The following MCM9 variants were observed in gnomAD, a reference collection of about 807,000 sequenced individuals.
MCM9 encodes the protein minichromosome maintenance 9 homologous recombination repair factor.
A neutral mutation model predicts 72.8 loss-of-function variants in MCM9; 55 were observed. The ratio of observed to expected loss-of-function variants is 0.76; its 90% CI spans 0.61 to 0.95. The LOEUF is 0.95. Ranked by LOEUF, MCM9 falls within the 40% of genes least tolerant of loss-of-function variation. The pLI is 0.00. For missense variants in MCM9, 1,279 were observed against 1,377.0 expected (o/e 0.93, Z 1.13); for synonymous variants, 480 against 503.4 (o/e 0.95, Z 0.62).
At chr6:118,878,033 A>G (rs1324290795) in intron 8 of MCM9, among the ~76,000 whole-genome samples, 1 of 152,066 alleles carries the variant, frequency 6.6e-6, no homozygotes, top group Non-Finnish European at 1.5e-5. Flanking sequence ...ATGGTGGTGC[A>G]TGACTGTAAT....
chr6:118,859,217 G>GA (rs1427626545), intron 8 of MCM9, among the ~76,000 whole-genome samples: 2 of 151,978 alleles, frequency 1.3e-5, no homozygotes, highest in Admixed American at 6.6e-5. Flanking sequence ...CATGCAAGAA[G>GA]AAAAAATGAA....
At chr6:118,894,482 G>A in intron 8 of MCM9, 1 of 1,537,198 alleles carries the variant, frequency 6.5e-7, no homozygotes, top group Non-Finnish European at 8.7e-7. Flanking sequence ...ACCCGTTCCA[G>A]TTCGAGATCA....
chr6:118,919,768 A>T (rs1781285234), intron 5 of MCM9: 1 of 152,120 alleles, frequency 6.6e-6, no homozygotes, highest in Non-Finnish European at 1.5e-5. Context: ...CCCCTATATC[A>T]TCTGCGGCAT....
At chr6:118,915,305 T>C (rs929492515) in intron 6 of MCM9, among the ~76,000 whole-genome samples, 1 of 152,164 alleles carries the variant, frequency 6.6e-6, no homozygotes, top group Non-Finnish European at 1.5e-5. Flanking sequence ...TTCTAGACCA[T>C]GTCAATAGTG....
chr6:118,905,133 A>G (rs926113004), intron 8 of MCM9, among the ~76,000 whole-genome samples: 15 of 152,046 alleles, frequency 9.9e-5, no homozygotes, highest in African/African-American at 3.6e-4. Context: ...ACCACACCCA[A>G]CCTCATTTTC....
intron 8 of MCM9, among the ~76,000 whole-genome samples, chr6:118,860,103 C>T (rs544477448): frequency 3.9e-5 from 6 of 152,244 alleles, no homozygotes; most frequent in Non-Finnish European, 8.8e-5. Flanking sequence ...GCAAGGCATA[C>T]TAAAAGGCAG....
rs559257947 is a variant in MCM9, at chr6:118,850,055, A to T, written c.1325+6316T>A. Among the ~76,000 whole-genome samples, 3 of 152,106 alleles carry T rather than the reference A, an allele frequency of 2.0e-5. No individual in the cohort carries two copies. In the East Asian group the frequency reaches 5.8e-4, roughly 29 times the overall value. ...TTTTGCAAATTTGGAAAATACAATT[A>T]AATAAAAAAGGTAAAAACAGCAAAT... is the stretch of plus-strand genomic sequence containing the variant. On this transcript the variant is annotated intron_variant, in intron 9 of 13. Transcript: ENST00000619706.
intron 8 of MCM9, among the ~76,000 whole-genome samples, chr6:118,899,232 G>A (rs1233326102): frequency 6.6e-6 from 1 of 152,152 alleles, no homozygotes; most frequent in African/African-American, 2.4e-5. Flanking sequence ...AATGAAAGTT[G>A]GCTCCTGTTA....
In MCM9 at chr6:118,874,851, C is replaced by T. The variant is rs555833157; in HGVS notation, c.1151-18306G>A. ...ACCATTGGCCGGGCACAGTGGCTCA[C>T]GCCTGTAATCCCAGCACTCTGGGAG... On this transcript the variant is annotated intron_variant, in intron 8 of 13. Transcript: ENST00000619706. Among the ~76,000 whole-genome samples the T allele has an allele frequency of 9.2e-5, 14 of 152,356 alleles. No individual in the cohort carries two copies. The East Asian group carries it at 1.2e-3, about 13-fold the overall frequency.
intron 8 of MCM9, among the ~76,000 whole-genome samples, chr6:118,893,608 A>T (rs142419474): frequency 6.6e-6 from 1 of 152,318 alleles, no homozygotes; most frequent in Non-Finnish European, 1.5e-5. Context: ...AAACGTAGAT[A>T]CTGGCCAAGA....
intron 13 of MCM9, among the ~76,000 whole-genome samples, chr6:118,820,268 A>G (rs112303176): frequency 2.0e-4 from 31 of 152,046 alleles, no homozygotes; most frequent in African/African-American, 7.0e-4. Context: ...TAGTGCTATA[A>G]ATTTCCCTCT....
chr6:118,822,068 A>C (rs1465275111), intron 13 of MCM9, among the ~76,000 whole-genome samples: 3 of 152,192 alleles, frequency 2.0e-5, no homozygotes, highest in Non-Finnish European at 4.4e-5. Flanking sequence ...TTGGGTTAGA[A>C]CATGCTCCTT....
chr6:118,831,980 A>G (rs1191239847), intron 9 of MCM9, among the ~76,000 whole-genome samples: 1 of 152,282 alleles, frequency 6.6e-6, no homozygotes, highest in African/African-American at 2.4e-5. Flanking sequence ...TCAAACCTAG[A>G]TCTGCTGGGC....
chr6:118,859,017 C>T (rs1351149306), intron 8 of MCM9, among the ~76,000 whole-genome samples: 1 of 152,084 alleles, frequency 6.6e-6, no homozygotes, highest in East Asian at 1.9e-4. Flanking sequence ...TGACATACTA[C>T]AAAGCTACAG....
At chr6:118,833,098 CAGAG>C (rs1774691441) in intron 9 of MCM9, among the ~76,000 whole-genome samples, 1 of 152,144 alleles carries the variant, frequency 6.6e-6, no homozygotes, top group South Asian at 2.1e-4. Context: ...GCCCTGGAGT[CAGAG>C]AGCCACATGA....
At chr6:118,874,675 A>C (rs753194719) in intron 8 of MCM9, among the ~76,000 whole-genome samples, 1 of 152,264 alleles carries the variant, frequency 6.6e-6, no homozygotes, top group African/African-American at 2.4e-5. Context: ...ATAATCATCT[A>C]TGTAGGATGT....
At chr6:118,889,558 T>C (rs1402006362) in intron 8 of MCM9, among the ~76,000 whole-genome samples, 1 of 152,152 alleles carries the variant, frequency 6.6e-6, no homozygotes, top group Non-Finnish European at 1.5e-5. Context: ...GAATATATTA[T>C]AAAACATGAA....
chr6:118,870,422 GTT>G (rs36144679), intron 8 of MCM9, among the ~76,000 whole-genome samples: 11,607 of 150,792 alleles, frequency 0.077, 695 homozygotes, highest in East Asian at 0.19. Context: ...AAATTAATGG[GTT>G]TTTTTTTTTA....
chr6:118,843,655 T>TATATACAC (rs1491542240), intron 9 of MCM9, among the ~76,000 whole-genome samples: 53 of 38,580 alleles, frequency 1.4e-3, no homozygotes, highest in Middle Eastern at 0.013. Flanking sequence ...TATATATATA[T>TATATACAC]GTGTATATAT....
Sources: gnomAD v4.1 joint callset for allele counts (sites outside exome capture counted in the v4.1 genomes callset) on GRCh38, gnomAD v4.1.1 for gene constraint, MANE v1.5 for transcripts, NCBI Gene and HGNC (gene_info 2026-07-23, HGNC 2026-07-21) for gene names.